Variants in SUPT20HL1 observed in about 807,000 individuals in gnomAD.
The protein encoded by SUPT20HL1 is SUPT20H like 1, also known as transcription factor SPT20 homolog-like 1.
For synonymous variants in SUPT20HL1, 133 were observed against 79.2 expected, an observed-to-expected ratio of 1.68 and a Z score of -3.61; for missense variants, 277 against 200.3, an observed-to-expected ratio of 1.38 and a Z score of -2.31.
In SUPT20HL1 at chrX:24,364,302, T is replaced by TGCTGCTGCTCCTGCTCCTGCTCTA. The variant is rs1555934677; in HGVS notation, c.1552_1575dup (p.Pro518_Ala525dup). 14 of 967,053 alleles carry TGCTGCTGCTCCTGCTCCTGCTCTA rather than the reference T, an allele frequency of 1.4e-5. No individual in the cohort carries two copies. The highest frequency in any genetic ancestry group is 2.6e-4 in the Middle Eastern group (1 of 3,886). 79.7% of individuals were successfully genotyped at this position (967,053 alleles called of 1,213,427 possible). A position where few individuals can be genotyped will look rare whatever the true frequency, so the allele number is the denominator to read the frequency against. On this transcript the variant is annotated inframe_insertion, in exon 1 of 1. Transcript: ENST00000686983. ...CTGCTGCTGCTGCTGCTGCTGCTGCTGCTGCTGCTCCTGCTCCTGCTCTAG... is the reference window on the plus strand; with the variant it reads ...CTGCTGCTGCTGCTGCTGCTGCTGCTGCTGCTGCTCCTGCTCCTGCTCTAGCTGCTGCTCCTGCTCCTGCTCTAG...
chrX:24,364,256 TTGC>T lies in SUPT20HL1; in HGVS notation c.1549_1551del (p.Ala517del), dbSNP rs35206911. 27,639 of 743,181 alleles carry T rather than the reference TTGC, an allele frequency of 0.037. 494 individuals carry two copies. Among genetic ancestry groups the T allele is most frequent in the East Asian group, 0.15 (3,665 of 24,143 alleles). 61.2% of individuals were successfully genotyped at this position (743,181 alleles called of 1,213,427 possible). On this transcript the variant is annotated inframe_deletion, in exon 1 of 1. Coordinates refer to ENST00000686983, the MANE Select transcript of SUPT20HL1 (RefSeq NM_001136234.3). Reference sequence around the variant, plus strand: ...CGTCCATTTTCTGCTGCTGCTGCTATTGCTGCTGCTGCTGCTGCTGCTGCTGCT... The same window carrying T: ...CGTCCATTTTCTGCTGCTGCTGCTATTGCTGCTGCTGCTGCTGCTGCTGCT...
rs376276028 is a variant in SUPT20HL1, at chrX:24,364,554, C to T, written c.1794C>T (p.Ala598=). 2.2e-5 allele frequency: 12 copies of T among 546,327 alleles called. No individual in the cohort carries two copies. In the African/African-American group the frequency reaches 2.7e-4, roughly 12 times the overall value. 45.0% of individuals were successfully genotyped at this position (546,327 alleles called of 1,213,427 possible). A position where few individuals can be genotyped will look rare whatever the true frequency, so the allele number is the denominator to read the frequency against. Reference sequence around the variant, plus strand: ...CCAAATTCATAAAAATAGCGCCAGCCATTCAGTTGAGGACAGGCTCCACTG... The same window carrying T: ...CCAAATTCATAAAAATAGCGCCAGCTATTCAGTTGAGGACAGGCTCCACTG... ...PPTKFIKIAP[A]IQLRTGSTGL... The change falls in exon 1 of 1, where the codon GCC becomes GCT. Residue 598 remains alanine (A), a synonymous_variant. Coordinates refer to ENST00000686983, the MANE Select transcript of SUPT20HL1 (RefSeq NM_001136234.3).
In SUPT20HL1 at chrX:24,362,259, A is replaced by T. The variant is rs1939432204; in HGVS notation, c.-502A>T. ...CTTGCGCCCAGGAGGCTAGAGATGC[A>T]GGAGCCCCAGAACCTGCGGTGCAGC... On this transcript the variant is annotated 5_prime_UTR_variant, in exon 1 of 1. Transcript: ENST00000686983. Among the ~76,000 whole-genome samples the T allele has an allele frequency of 1.8e-5, 2 of 113,003 alleles. 1 individual carries two copies. The highest frequency in any genetic ancestry group is 1.9e-4 in the Admixed American group (2 of 10,769).
Position 24,367,252 on chromosome X carries a change from G to A in SUPT20HL1, c.*1828G>A, listed in dbSNP as rs1004751561. Among the ~76,000 whole-genome samples, 3 of 112,320 alleles carry A rather than the reference G, an allele frequency of 2.7e-5. No individual in the cohort carries two copies. The highest frequency in any genetic ancestry group is 5.6e-5 in the Non-Finnish European group (3 of 53,300). ...GGTTTTTGTCTGCCTTTTGGCTGTC[G>A]TGCATAGGGCTGCTGTCAACATTTG... On this transcript the variant is annotated 3_prime_UTR_variant, in exon 1 of 1. Transcript: ENST00000686983.
rs777919636 is a variant in SUPT20HL1, at chrX:24,361,875, C to T, written c.-886C>T. On this transcript the variant is annotated 5_prime_UTR_variant, in exon 1 of 1. The change creates a new upstream start codon in the 5' untranslated region. Transcript: ENST00000686983. ...CCCCAGGCGGGAGCTCACTCGACGACGACAGGAAGAATCCTGATGCTTGCC... is the reference window on the plus strand; with the variant it reads ...CCCCAGGCGGGAGCTCACTCGACGATGACAGGAAGAATCCTGATGCTTGCC... 8.9e-6 allele frequency among the ~76,000 whole-genome samples: 1 copy of T among 112,136 alleles called. No homozygotes were observed. Among genetic ancestry groups the T allele is most frequent in the Non-Finnish European group, 1.9e-5 (1 of 53,274 alleles).
rs778578695 is a variant in SUPT20HL1 at position 24,365,654 on chromosome X, G to C, written c.*230G>C. ...TCTTTTTGTTGTCATTGCTGCTGTC[G>C]ATATAATTATTTTTAATATAGTGTT... On this transcript the variant is annotated 3_prime_UTR_variant, in exon 1 of 1. Transcript: ENST00000686983. Among the ~76,000 whole-genome samples the C allele has an allele frequency of 3.5e-3, 389 of 111,653 alleles. 1 individual carries two copies. Among genetic ancestry groups the C allele is most frequent in the African/African-American group, 0.012 (375 of 30,757 alleles).
rs952187647 is a variant in SUPT20HL1 at position 24,361,229 on chromosome X, C to T, written c.-1532C>T. On this transcript the variant is annotated 5_prime_UTR_variant, in exon 1 of 1. Transcript: ENST00000686983. ...GATTAGCACCCAAAGAAACTACTCC[C>T]ACTCAAATCCTCTCCTCCGGGAATG... Among the ~76,000 whole-genome samples, 1 of 112,506 alleles carries T rather than the reference C, an allele frequency of 8.9e-6. No homozygotes were observed. The highest frequency in any genetic ancestry group is 1.9e-5 in the Non-Finnish European group (1 of 53,305).
rs112158136 is a variant in SUPT20HL1, at chrX:24,360,827, C to T, written c.-1934C>T. Among the ~76,000 whole-genome samples, 13,682 of 111,168 alleles carry T rather than the reference C, an allele frequency of 0.12. 809 individuals are homozygous for T. The highest frequency in any genetic ancestry group is 0.22 in the African/African-American group (6,762 of 30,487). On this transcript the variant is annotated 5_prime_UTR_variant, in exon 1 of 1. Coordinates refer to ENST00000686983, the MANE Select transcript of SUPT20HL1 (RefSeq NM_001136234.3). ...CAGTCCTAAATGCAGCAAATGCTGCCGGTGCCCTGTCCATCTCCCCTTGGC... is the reference window on the plus strand; with the variant it reads ...CAGTCCTAAATGCAGCAAATGCTGCTGGTGCCCTGTCCATCTCCCCTTGGC...
Position 24,365,444 on chromosome X carries a change from C to G in SUPT20HL1, c.*20C>G. 2.7e-6 allele frequency: 1 copy of G among 365,215 alleles called. No individual in the cohort carries two copies. The highest frequency in any genetic ancestry group is 2.6e-5 in the African/African-American group (1 of 38,751). The allele number at this position is 365,215 out of a possible 1,213,427, so 30.1% of individuals were successfully genotyped here. A position where few individuals can be genotyped will look rare whatever the true frequency, so the allele number is the denominator to read the frequency against. On this transcript the variant is annotated 3_prime_UTR_variant, in exon 1 of 1. Coordinates refer to ENST00000686983, the MANE Select transcript of SUPT20HL1 (RefSeq NM_001136234.3). ...CCCTGAGGCTTGTGGTAGTTTGTCT[C>G]TCTTTTAAAAGCACAGGAGCATTGA...
chrX:24,364,412 C>T lies in SUPT20HL1; in HGVS notation c.1652C>T (p.Ala551Val), dbSNP rs1939463652. ...AAAPAPAPAA[A>V]PAVAAAPAAA... ...GCTCCTGCTCCTGCTCCTGCCGCTGCTCCTGCTGTAGCTGCTGCTCCTGCT... is the reference window on the plus strand; with the variant it reads ...GCTCCTGCTCCTGCTCCTGCCGCTGTTCCTGCTGTAGCTGCTGCTCCTGCT... Residue 551 changes from alanine (A) to valine (V), a missense_variant, in exon 1 of 1, where the codon GCT becomes GTT. Ala to Val is a moderately conservative substitution (Grantham distance 64). Coordinates refer to ENST00000686983, the MANE Select transcript of SUPT20HL1 (RefSeq NM_001136234.3). 1 of 584,052 alleles carries T rather than the reference C, an allele frequency of 1.7e-6. No homozygotes were observed. The highest frequency in any genetic ancestry group is 2.9e-6 in the Non-Finnish European group (1 of 340,736). The allele number at this position is 584,052 out of a possible 1,213,427, so 48.1% of individuals were successfully genotyped here.
In SUPT20HL1 at chrX:24,365,509, T is replaced by A. The variant is rs7053120; in HGVS notation, c.*85T>A. The A allele has an allele frequency of 0.038, 11,574 of 304,308 alleles. 416 individuals carry two copies. Among genetic ancestry groups the A allele is most frequent in the East Asian group, 0.16 (1,931 of 12,311 alleles). The allele number at this position is 304,308 out of a possible 1,213,427, so 25.1% of individuals were successfully genotyped here. On this transcript the variant is annotated 3_prime_UTR_variant, in exon 1 of 1. Coordinates refer to ENST00000686983, the MANE Select transcript of SUPT20HL1 (RefSeq NM_001136234.3). ...CAGTTTTTACTTGAGTTTTGTTTTT[T>A]TTTTCATGTTTCGGTATTTTACATT...
rs1476747109 is a variant in SUPT20HL1, at chrX:24,365,141, C to G, written c.2381C>G (p.Pro794Arg). ...LRQQQPQPQP[P>R]KLQLQPQWQP... ...CAGCAGCAGCCACAGCCACAGCCGCCGAAGCTGCAACTGCAACCGCAGTGG... is the reference window on the plus strand; with the variant it reads ...CAGCAGCAGCCACAGCCACAGCCGCGGAAGCTGCAACTGCAACCGCAGTGG... The change falls in exon 1 of 1, where the codon CCG becomes CGG. Residue 794 changes from proline to arginine, a missense_variant. By Grantham distance (103) the Pro-to-Arg change is moderately radical (BLOSUM62 -2). Coordinates refer to ENST00000686983, the MANE Select transcript of SUPT20HL1 (RefSeq NM_001136234.3). 5.8e-6 allele frequency: 2 copies of G among 345,139 alleles called. No individual in the cohort carries two copies. Among genetic ancestry groups the G allele is most frequent in the Non-Finnish European group, 1.2e-5 (2 of 171,522 alleles). 28.4% of individuals were successfully genotyped at this position (345,139 alleles called of 1,213,427 possible).
In SUPT20HL1 at chrX:24,364,256, TTGCTGCTGCTGCTGCTGCTGCTGCTGC is replaced by T. The variant is rs35206911; in HGVS notation, c.1525_1551del (p.Ala509_Ala517del). The stretch of plus-strand genomic sequence containing the variant: ...CGTCCATTTTCTGCTGCTGCTGCTA[TTGCTGCTGCTGCTGCTGCTGCTGCTGC>T]TGCTGCTGCTGCTGCTGCTGCTGCT... On this transcript the variant is annotated inframe_deletion, in exon 1 of 1. Transcript: ENST00000686983. The T allele has an allele frequency of 5.3e-4, 426 of 803,955 alleles. No individual in the cohort carries two copies. The highest frequency in any genetic ancestry group is 6.4e-4 in the Non-Finnish European group (366 of 570,219). The allele number at this position is 803,955 out of a possible 1,213,427, so 66.3% of individuals were successfully genotyped here. A position where few individuals can be genotyped will look rare whatever the true frequency, so the allele number is the denominator to read the frequency against.
Position 24,364,945 on chromosome X carries a change from G to T in SUPT20HL1, c.2185G>T (p.Ala729Ser), listed in dbSNP as rs754650177. 7.8e-6 allele frequency: 3 copies of T among 385,317 alleles called. No homozygotes were observed. Among genetic ancestry groups the T allele is most frequent in the Non-Finnish European group, 1.6e-5 (3 of 192,343 alleles). The allele number at this position is 385,317 out of a possible 1,213,427, so 31.8% of individuals were successfully genotyped here. A position where few individuals can be genotyped will look rare whatever the true frequency, so the allele number is the denominator to read the frequency against. ...HPPQPGPQGS[A>S]LGLSTQGQAF... ...TCCTCAGCCAGGGCCACAGGGTTCC[G>T]CACTAGGTTTGAGCACGCAAGGGCA... The change falls in exon 1 of 1, where the codon GCA becomes TCA. Residue 729 changes from alanine (A) to serine (S), a missense_variant. Coordinates refer to ENST00000686983, the MANE Select transcript of SUPT20HL1 (RefSeq NM_001136234.3).
In SUPT20HL1 at chrX:24,364,288, GC is replaced by G. The variant is rs1939455110; in HGVS notation, c.1529del (p.Ala510ValfsTer13). On this transcript the variant is annotated frameshift_variant, in exon 1 of 1. Transcript: ENST00000686983. LOFTEE classifies it low-confidence loss of function (END_TRUNC). ...AAAAAAAAAA[A>X]AAAAAAAPAP... ...TGCTGCTGCTGCTGCTGCTGCTGCT[GC>G]TGCTGCTGCTGCTGCTGCTGCTCCT... is the stretch of plus-strand genomic sequence containing the variant. The G allele has an allele frequency of 1.0e-6, 1 of 959,317 alleles. No individual in the cohort carries two copies. Among genetic ancestry groups the G allele is most frequent in the African/African-American group, 2.2e-5 (1 of 46,425 alleles). 79.1% of individuals were successfully genotyped at this position (959,317 alleles called of 1,213,427 possible). A position where few individuals can be genotyped will look rare whatever the true frequency, so the allele number is the denominator to read the frequency against.
Position 24,362,133 on chromosome X carries a change from G to T in SUPT20HL1, c.-628G>T, listed in dbSNP as rs1939430887. On this transcript the variant is annotated 5_prime_UTR_variant, in exon 1 of 1. Coordinates refer to ENST00000686983, the MANE Select transcript of SUPT20HL1 (RefSeq NM_001136234.3). ...ACGGTGCGAAAGATACATCTATACCGTCATTGGTGGCTTATGCTTTTGCAT... is the reference window on the plus strand; with the variant it reads ...ACGGTGCGAAAGATACATCTATACCTTCATTGGTGGCTTATGCTTTTGCAT... Among the ~76,000 whole-genome samples the T allele has an allele frequency of 8.9e-6, 1 of 112,678 alleles. No individual in the cohort carries two copies. The highest frequency in any genetic ancestry group is 1.9e-5 in the Non-Finnish European group (1 of 53,340).
Position 24,362,667 on chromosome X carries a change from G to C in SUPT20HL1, c.-94G>C, listed in dbSNP as rs1442247195. The C allele has an allele frequency of 2.8e-6, 1 of 353,389 alleles. No homozygotes were observed. Among genetic ancestry groups the C allele is most frequent in the African/African-American group, 2.6e-5 (1 of 38,410 alleles). 29.1% of individuals were successfully genotyped at this position (353,389 alleles called of 1,213,427 possible). On this transcript the variant is annotated 5_prime_UTR_variant, in exon 1 of 1. Coordinates refer to ENST00000686983, the MANE Select transcript of SUPT20HL1 (RefSeq NM_001136234.3). ...TCAGTGTGGACTTGTGGCATCTTGCGGGCCTGTAGATTAATATGACAGCCG... is the reference window on the plus strand; with the variant it reads ...TCAGTGTGGACTTGTGGCATCTTGCCGGCCTGTAGATTAATATGACAGCCG...
rs767177742 is a variant in SUPT20HL1 at position 24,361,304 on chromosome X, C to T, written c.-1457C>T. 1.3e-4 allele frequency among the ~76,000 whole-genome samples: 15 copies of T among 112,477 alleles called. No individual in the cohort carries two copies. The highest frequency in any genetic ancestry group is 1.1e-3 in the South Asian group (3 of 2,685). Reference sequence around the variant, plus strand: ...CAGGGGCAATTCGCCAGCTGAAGATCGAGTCCATCCCATGGCAGGGTGGGC... The same window carrying T: ...CAGGGGCAATTCGCCAGCTGAAGATTGAGTCCATCCCATGGCAGGGTGGGC... On this transcript the variant is annotated 5_prime_UTR_variant, in exon 1 of 1. An upstream open reading frame in the 5' UTR gains an earlier in-frame stop. Transcript: ENST00000686983.
chrX:24,365,273 A>C lies in SUPT20HL1; in HGVS notation c.2513A>C (p.Gln838Pro). Reference protein sequence around the residue: ...LRVLQQPQHIQLQTQQLRVLQ... With the variant: ...LRVLQQPQHIPLQTQQLRVLQ... ...GTCTTGCAGCAGCCGCAGCATATCC[A>C]GCTCCAGACTCAGCAGTTGAGAGTC... The change falls in exon 1 of 1, where the codon CAG (glutamine) becomes CCG (proline). Residue 838 changes from glutamine to proline, a missense_variant. By Grantham distance (76) the Gln-to-Pro change is moderately conservative. Coordinates refer to ENST00000686983, the MANE Select transcript of SUPT20HL1 (RefSeq NM_001136234.3). The C allele has an allele frequency of 2.6e-6, 1 of 386,184 alleles. No homozygotes were observed. 31.8% of individuals were successfully genotyped at this position (386,184 alleles called of 1,213,427 possible).
Sources: gnomAD v4.1 joint callset for allele counts (sites outside exome capture counted in the v4.1 genomes callset) on GRCh38, gnomAD v4.1.1 for gene constraint, MANE v1.5 for transcripts, NCBI Gene and HGNC (gene_info 2026-07-23, HGNC 2026-07-21) for gene names.